RREB1: variants seen among roughly 807,000 people sequenced by gnomAD.
RREB1 encodes the protein ras-responsive element-binding protein 1.
Under a neutral mutation model 117.8 loss-of-function variants are expected in RREB1, and 27 were observed. The ratio of observed to expected loss-of-function variants is 0.23; its 90% CI spans 0.17 to 0.32. The LOEUF is 0.32. Among genes scored for constraint, RREB1 ranks in the 10% least tolerant of loss-of-function variants. RREB1 has a pLI of 1.00. For synonymous variants in RREB1, 1,298 were observed against 1,026.7 expected, an observed-to-expected ratio of 1.26 and a Z score of -5.05; for missense variants, 2,577 against 2,378.2, an observed-to-expected ratio of 1.08 and a Z score of -1.74.
intron 1 of RREB1, among the ~76,000 whole-genome samples, chr6:7,169,392 G>A (rs1764107081): frequency 6.6e-6 from 1 of 152,240 alleles, no homozygotes; most frequent in Non-Finnish European, 1.5e-5. Context: ...GGCACCCAGA[G>A]TAGAGACGAT....
intron 1 of RREB1, among the ~76,000 whole-genome samples, chr6:7,120,522 G>A (rs1313082670): frequency 7.9e-5 from 12 of 152,114 alleles, no homozygotes; most frequent in Non-Finnish European, 2.9e-5. Context: ...AGAAACAGAC[G>A]TTATGTTCTT....
At chr6:7,125,491 T>A (rs1581415986) in intron 1 of RREB1, among the ~76,000 whole-genome samples, 1 of 152,222 alleles carries the variant, frequency 6.6e-6, no homozygotes, top group East Asian at 1.9e-4. Context: ...TGGGCACCAC[T>A]TTTAACCTCC....
At chr6:7,180,265 G>T (rs913444262) in intron 2 of RREB1, among the ~76,000 whole-genome samples, 1 of 152,002 alleles carries the variant, frequency 6.6e-6, no homozygotes, top group African/African-American at 2.4e-5. Flanking sequence ...AAGAATTTAG[G>T]CTGGTACTGC....
In RREB1 at chr6:7,230,545, G is replaced by A; in HGVS notation, c.2446G>A (p.Val816Met). Residue 816 changes from valine to methionine, a missense_variant, in exon 10 of 13, where the codon GTG (valine) becomes ATG (methionine). Coordinates refer to ENST00000379938, the MANE Select transcript of RREB1 (RefSeq NM_001003699.4). The stretch of plus-strand genomic sequence containing the variant: ...CCACATCCTCAAGCAGCACCTGCAC[G>A]TGCCCGAGCAGGACATCGAGAGCTA... ...IHHILKQHLH[V>M]PEQDIESYVL... 1.3e-6 allele frequency: 2 copies of A among 1,598,284 alleles called. No homozygotes were observed. Among genetic ancestry groups the A allele is most frequent in the African/African-American group, 1.3e-5 (1 of 74,928 alleles).
chr6:7,221,724 G>A (rs1767272171), intron 8 of RREB1, among the ~76,000 whole-genome samples: 1 of 152,212 alleles, frequency 6.6e-6, no homozygotes, highest in African/African-American at 2.4e-5. Context: ...GGGAGCAGGT[G>A]GGATGAGGCA....
intron 11 of RREB1, among the ~76,000 whole-genome samples, chr6:7,241,664 AC>A (rs1768713815): frequency 6.6e-6 from 1 of 152,176 alleles, no homozygotes; most frequent in African/African-American, 2.4e-5. Context: ...TACCTTGGTT[AC>A]AGGGGTACAG....
chr6:7,114,973 A>G (rs1318444609), intron 1 of RREB1, among the ~76,000 whole-genome samples: 1 of 145,592 alleles, frequency 6.9e-6, no homozygotes, highest in Non-Finnish European at 1.5e-5. Flanking sequence ...TCATGTTCTA[A>G]GTTATGTGGA....
intron 1 of RREB1, among the ~76,000 whole-genome samples, chr6:7,142,374 C>T (rs564029115): frequency 6.6e-6 from 1 of 152,312 alleles, no homozygotes; most frequent in East Asian, 1.9e-4. Flanking sequence ...GGGTGCGTCC[C>T]CCCGCAAAGC....
At chr6:7,212,156 A>G (rs1250197916) in intron 8 of RREB1, 1 of 163,778 alleles carries the variant, frequency 6.1e-6, no homozygotes, top group African/African-American at 2.4e-5. Flanking sequence ...AAGTGTTTGA[A>G]CTGAGCTGGA....
intron 1 of RREB1, among the ~76,000 whole-genome samples, chr6:7,130,063 C>G (rs754835358): frequency 2.0e-5 from 3 of 152,120 alleles, no homozygotes; most frequent in Non-Finnish European, 4.4e-5. Flanking sequence ...ACTGACTCTC[C>G]CCTCCCTCAC....
chr6:7,119,245 G>A (rs1167929444), intron 1 of RREB1, among the ~76,000 whole-genome samples: 1 of 152,014 alleles, frequency 6.6e-6, no homozygotes, highest in Non-Finnish European at 1.5e-5. Context: ...CAACTACTCA[G>A]GAGGCTGAGG....
intron 6 of RREB1, among the ~76,000 whole-genome samples, chr6:7,196,788 G>T (rs1765699744): frequency 6.6e-6 from 1 of 152,148 alleles, no homozygotes; most frequent in African/African-American, 2.4e-5. Flanking sequence ...GTACAGCTTT[G>T]TGAGCTGCCA....
At chr6:7,186,564 A>G (rs1233961856) in intron 4 of RREB1, among the ~76,000 whole-genome samples, 2 of 152,196 alleles carry the variant, frequency 1.3e-5, no homozygotes, top group Non-Finnish European at 2.9e-5. Flanking sequence ...TGAGACAGGA[A>G]CCCGTGGTCT....
intron 1 of RREB1, among the ~76,000 whole-genome samples, chr6:7,113,351 C>G (rs572697982): frequency 1.2e-4 from 19 of 152,196 alleles, no homozygotes; most frequent in Non-Finnish European, 2.4e-4. Context: ...TCTCTTTCCC[C>G]CTTTTCAGAG....
Position 7,249,062 on chromosome 6 carries a change from T to A in RREB1, c.*94T>A, listed in dbSNP as rs1485540386. The A allele has an allele frequency of 6.3e-5, 36 of 568,210 alleles. No homozygotes were observed. Among genetic ancestry groups the A allele is most frequent in the Middle Eastern group, 4.6e-4 (1 of 2,186 alleles). 35.2% of individuals were successfully genotyped at this position (568,210 alleles called of 1,614,324 possible). A position where few individuals can be genotyped will look rare whatever the true frequency, so the allele number is the denominator to read the frequency against. ...TCAGTGCCCTTTGGCTGTTGAGGAG[T>A]GAGAGAGAGAGAGAGAGAGAGAGAG... On this transcript the variant is annotated 3_prime_UTR_variant, in exon 13 of 13. Coordinates refer to ENST00000379938, the MANE Select transcript of RREB1 (RefSeq NM_001003699.4).
Position 7,176,762 on chromosome 6 carries a change from CAAAGA to C in RREB1, c.-173_-169del, listed in dbSNP as rs1581494228. ...CAATAAGGAGGGCAGCTTGATAACA[CAAAGA>C]AAACAGGTTAGTGAAACAGTTTTCA... is the stretch of plus-strand genomic sequence containing the variant. On this transcript the variant is annotated 5_prime_UTR_variant, in exon 2 of 13. Transcript: ENST00000379938. 6.6e-6 allele frequency: 1 copy of C among 152,622 alleles called. No individual in the cohort carries two copies. The highest frequency in any genetic ancestry group is 1.9e-4 in the East Asian group (1 of 5,194). The allele number at this position is 152,622 out of a possible 1,614,324, so 9.5% of individuals were successfully genotyped here.
In RREB1 at chr6:7,249,062, TGAGAGAGA is replaced by T. The variant is rs4053178; in HGVS notation, c.*129_*136del. On this transcript the variant is annotated 3_prime_UTR_variant, in exon 13 of 13. Transcript: ENST00000379938. ...TCAGTGCCCTTTGGCTGTTGAGGAG[TGAGAGAGA>T]GAGAGAGAGAGAGAGAGAGAGAGAG... 55,146 of 559,378 alleles carry T rather than the reference TGAGAGAGA, an allele frequency of 0.099. 61 individuals carry two copies. Among genetic ancestry groups the T allele is most frequent in the South Asian group, 0.11 (4,084 of 36,192 alleles). 34.7% of individuals were successfully genotyped at this position (559,378 alleles called of 1,614,324 possible).
At chr6:7,234,422 T>TTTA (rs1458256378) in intron 10 of RREB1, among the ~76,000 whole-genome samples, 2 of 152,136 alleles carry the variant, frequency 1.3e-5, no homozygotes, top group Non-Finnish European at 2.9e-5. Context: ...AGTATTTTCT[T>TTTA]TTTTAAGAGT....
At chr6:7,130,560 G>A (rs372615234) in intron 1 of RREB1, among the ~76,000 whole-genome samples, 5 of 152,046 alleles carry the variant, frequency 3.3e-5, no homozygotes, top group Admixed American at 6.5e-5. Flanking sequence ...TTAGTCATGG[G>A]GTTCACTAGT....
Sources: gnomAD v4.1 joint callset for allele counts (sites outside exome capture counted in the v4.1 genomes callset) on GRCh38, gnomAD v4.1.1 for gene constraint, MANE v1.5 for transcripts, NCBI Gene and HGNC (gene_info 2026-07-23, HGNC 2026-07-21) for gene names.